The following RELT variants were observed in gnomAD, a reference collection of about 807,000 sequenced individuals.
RELT encodes the protein tumor necrosis factor receptor superfamily member 19L.
A neutral mutation model predicts 51.1 loss-of-function variants in RELT; 37 were observed. The observed-to-expected ratio is 0.72, with a 90% CI of 0.56 to 0.95. The LOEUF (loss-of-function observed/expected upper bound fraction) is 0.95, where lower values mean the gene tolerates loss of function less well. Among genes scored for constraint, RELT ranks in the 40% least tolerant of loss-of-function variants. The pLI is 0.00. For missense variants in RELT, 535 were observed against 572.6 expected (o/e 0.93, Z 0.67); for synonymous variants, 241 against 235.7 (o/e 1.02, Z -0.21).
At chr11:73,380,842 G>A (rs1324213135) in intron 1 of RELT, among the ~76,000 whole-genome samples, 1 of 152,196 alleles carries the variant, frequency 6.6e-6, no homozygotes, top group African/African-American at 2.4e-5. Context: ...GATCGATGGG[G>A]GAGCAGGGAT....
chr11:73,392,049 A>G (rs1322429184), intron 5 of RELT, 162 bp from the exon 6 acceptor site: 4 of 787,672 alleles, frequency 5.1e-6, no homozygotes, highest in Non-Finnish European at 8.0e-6. Context: ...GGAAAACAGG[A>G]GGGCAGTGGG....
intron 1 of RELT, chr11:73,384,626 G>T (rs558186076): frequency 1.3e-5 from 2 of 152,432 alleles, no homozygotes; most frequent in East Asian, 3.9e-4. Flanking sequence ...CCCCAGGTTA[G>T]CCCAGGGGTT....
chr11:73,376,437 C>A lies in RELT; in HGVS notation c.-88C>A, dbSNP rs1001284398. The A allele has an allele frequency of 1.8e-4, 28 of 152,030 alleles. No individual in the cohort carries two copies. 9.4% of individuals were successfully genotyped at this position (152,030 alleles called of 1,614,324 possible). A position where few individuals can be genotyped will look rare whatever the true frequency, so the allele number is the denominator to read the frequency against. On this transcript the variant is annotated 5_prime_UTR_variant, in exon 1 of 11. Transcript: ENST00000064780. Reference sequence around the variant, plus strand: ...GCTGCGCGGCTGTCCGGGCGCTCGCCGAGCCGGGCCGCGGCGCCGAGTCGA... The same window carrying A: ...GCTGCGCGGCTGTCCGGGCGCTCGCAGAGCCGGGCCGCGGCGCCGAGTCGA...
In RELT at chr11:73,392,302, A is replaced by T; in HGVS notation, c.459A>T (p.Ala153=). 1 of 1,613,464 alleles carries T rather than the reference A, an allele frequency of 6.2e-7. No individual in the cohort carries two copies. The highest frequency in any genetic ancestry group is 2.2e-5 in the East Asian group (1 of 44,864). Residue 153 remains alanine (A), a synonymous_variant, in exon 6 of 11, where the codon GCA becomes GCT. Transcript: ENST00000064780. The stretch of plus-strand genomic sequence containing the variant: ...GGCAGCCTGGGAACGGCACCCGGGC[A>T]GGTGGCCCAGAGGAGACAGCCGCCC... ...ETRQPGNGTR[A]GGPEETAAQY...
intron 1 of RELT, among the ~76,000 whole-genome samples, chr11:73,379,831 G>C (rs535865939): frequency 6.6e-6 from 1 of 152,270 alleles, no homozygotes; most frequent in African/African-American, 2.4e-5. Flanking sequence ...CTTGCTTTTC[G>C]CCTACAAAGT....
Position 73,394,655 on chromosome 11 carries a change from C to T in RELT, c.967C>T (p.Leu323=). Residue 323 remains leucine, a synonymous_variant, in exon 9 of 11, where the codon CTG becomes TTG. Transcript: ENST00000064780. The surrounding 1 kb of genome is among the most constrained non-coding windows in gnomAD (Gnocchi z 4.9). ...VAATTPVPSL[L]PNPTRVPKAG... Reference sequence around the variant, plus strand: ...CGCCACTACTCCTGTTCCCAGCCTTCTGCCTAACCCGACCAGGGTTCCCAA... The same window carrying T: ...CGCCACTACTCCTGTTCCCAGCCTTTTGCCTAACCCGACCAGGGTTCCCAA... The T allele has an allele frequency of 6.2e-7, 1 of 1,613,854 alleles. No homozygotes were observed. Among genetic ancestry groups the T allele is most frequent in the Non-Finnish European group, 8.5e-7 (1 of 1,180,020 alleles).
At chr11:73,393,256 T>G (rs1252637489) in intron 6 of RELT, 12 of 1,010,254 alleles carry the variant, frequency 1.2e-5, no homozygotes, top group Non-Finnish European at 3.6e-6. Context: ...TGCCTGGGAC[T>G]GTGCTTGTTT....
chr11:73,389,767 GC>G (rs1284582971), intron 2 of RELT, among the ~76,000 whole-genome samples: 1 of 152,220 alleles, frequency 6.6e-6, no homozygotes, highest in Non-Finnish European at 1.5e-5. Context: ...TGTACAGGAG[GC>G]CTTCCAGCCT....
chr11:73,384,880 G>A (rs1295551884), intron 1 of RELT, among the ~76,000 whole-genome samples: 9 of 152,222 alleles, frequency 5.9e-5, no homozygotes, highest in Admixed American at 5.9e-4. Flanking sequence ...GGGGGAGAGG[G>A]TACTTCCAGG....
In RELT at chr11:73,392,509, C is replaced by T. The variant is rs375077658; in HGVS notation, c.625+41C>T. 6.8e-4 allele frequency: 1,078 copies of T among 1,588,396 alleles called. 3 individuals carry two copies. The highest frequency in any genetic ancestry group is 6.8e-4 in the Middle Eastern group (4 of 5,896). On this transcript the variant is annotated intron_variant, in intron 6 of 10. Coordinates refer to ENST00000064780, the MANE Select transcript of RELT (RefSeq NM_152222.2). ...GGTCCAGGTGGGAAGGACGGGGGCA[C>T]GAGCCCAGCCCCAGCTCCACTTGGG...
Position 73,395,457 on chromosome 11 carries a change from T to TGGTC in RELT, c.1260_1263dup (p.Arg422GlyfsTer5), listed in dbSNP as rs1294587276. 1.2e-6 allele frequency: 1 copy of TGGTC among 834,566 alleles called. No individual in the cohort carries two copies. The highest frequency in any genetic ancestry group is 1.7e-5 in the African/African-American group (1 of 60,118). The allele number at this position is 834,566 out of a possible 1,614,324, so 51.7% of individuals were successfully genotyped here. A position where few individuals can be genotyped will look rare whatever the true frequency, so the allele number is the denominator to read the frequency against. ...CCTGCCCACCAGGAGAACCGCTATG[T>TGGTC]GGTCCGGCTAAGTGAGAGCAACCTG... On this transcript the variant is annotated frameshift_variant, in exon 11 of 11. Coordinates refer to ENST00000064780, the MANE Select transcript of RELT (RefSeq NM_152222.2). LOFTEE classifies it high-confidence loss of function.
chr11:73,386,250 G>T (rs191154964), intron 1 of RELT, among the ~76,000 whole-genome samples: 41 of 152,268 alleles, frequency 2.7e-4, no homozygotes, highest in Admixed American at 7.2e-4. Context: ...TCCCCATCCA[G>T]TGTGGCTGGG....
intron 1 of RELT, among the ~76,000 whole-genome samples, chr11:73,382,119 T>C (rs1177455820): frequency 6.6e-6 from 1 of 152,194 alleles, no homozygotes; most frequent in Non-Finnish European, 1.5e-5. Flanking sequence ...GGTGGGTTGC[T>C]CCAGGGCCCA....
chr11:73,390,418 T>A (rs1435275606), intron 2 of RELT, 133 bp from the exon 3 acceptor site: 1 of 752,878 alleles, frequency 1.3e-6, no homozygotes, highest in East Asian at 2.5e-5. Flanking sequence ...TAGAAGAGTG[T>A]GTCCCTGAAG....
chr11:73,394,508 A>G lies in RELT; in HGVS notation c.820A>G (p.Ile274Val). ...GCCAGCGCCCCCGAACGTGCCACACATCTGCCCGCACCGCCACCATCTCCA... is the reference window on the plus strand; with the variant it reads ...GCCAGCGCCCCCGAACGTGCCACACGTCTGCCCGCACCGCCACCATCTCCA... ...LPPAPPNVPH[I>V]CPHRHHLHTV... Residue 274 changes from isoleucine to valine, a missense_variant, in exon 9 of 11, where the codon ATC becomes GTC. Physicochemically the swap from Ile to Val is conservative, Grantham distance 29. Coordinates refer to ENST00000064780, the MANE Select transcript of RELT (RefSeq NM_152222.2). The surrounding 1 kb of genome is among the most constrained non-coding windows in gnomAD (Gnocchi z 4.9). The G allele has an allele frequency of 6.2e-7, 1 of 1,610,838 alleles. No individual in the cohort carries two copies. Among genetic ancestry groups the G allele is most frequent in the Non-Finnish European group, 8.5e-7 (1 of 1,179,736 alleles).
rs1164225450 is a variant in RELT at position 73,394,652 on chromosome 11, C to G, written c.964C>G (p.Leu322Val). 1 of 1,613,886 alleles carries G rather than the reference C, an allele frequency of 6.2e-7. No individual in the cohort carries two copies. The highest frequency in any genetic ancestry group is 1.7e-5 in the Admixed American group (1 of 60,030). ...AVAATTPVPS[L>V]LPNPTRVPKA... ...AGCCGCCACTACTCCTGTTCCCAGC[C>G]TTCTGCCTAACCCGACCAGGGTTCC... The change falls in exon 9 of 11, where the codon CTT (leucine) becomes GTT (valine). Residue 322 changes from leucine to valine, a missense_variant. Leu to Val is a conservative substitution (Grantham distance 32). Transcript: ENST00000064780. The surrounding 1 kb of genome is among the most constrained non-coding windows in gnomAD (Gnocchi z 4.9).
At chr11:73,377,269 AGTGTGTGT>A (rs369117500) in intron 1 of RELT, among the ~76,000 whole-genome samples, 4 of 146,178 alleles carry the variant, frequency 2.7e-5, no homozygotes, top group East Asian at 2.0e-4. Flanking sequence ...AAGTGGTGTC[AGTGTGTGT>A]GTGTGTGTGT....
At chr11:73,381,157 CT>C (rs1866044800) in intron 1 of RELT, among the ~76,000 whole-genome samples, 1 of 152,338 alleles carries the variant, frequency 6.6e-6, no homozygotes, top group African/African-American at 2.4e-5. Context: ...GACCAGAGTT[CT>C]TTCCTAGGCC....
chr11:73,395,342 G>T, intron 10 of RELT, 57 bp downstream of exon 10: 1 of 1,583,972 alleles, frequency 6.3e-7, no homozygotes, highest in Non-Finnish European at 8.7e-7. Context: ...GACCGAAGAC[G>T]GGGCAGGGGT....
Sources: allele counts gnomAD v4.1 joint callset (sites outside exome capture counted in the v4.1 genomes callset), GRCh38; gene constraint gnomAD v4.1.1; non-coding constraint Gnocchi (gnomAD v3.1); transcripts MANE v1.5; gene names NCBI Gene and HGNC (gene_info 2026-07-23, HGNC 2026-07-21).